Variants in DAB1 observed in about 807,000 individuals in gnomAD.
DAB1 encodes DAB adaptor protein 1.
Under a neutral mutation model 64.6 loss-of-function variants are expected in DAB1, and 15 were observed. The observed-to-expected ratio is 0.23, with a 90% CI of 0.16 to 0.36. DAB1 has a LOEUF of 0.36. Ranked by LOEUF, DAB1 falls within the 10% of genes least tolerant of loss-of-function variation. The pLI is 1.00. For missense variants in DAB1, 596 were observed against 706.7 expected (o/e 0.84, Z 1.78); for synonymous variants, 235 against 251.9 (o/e 0.93, Z 0.64).
At position 58,424,632 on chromosome 1, in the gene DAB1, C is replaced by A. The variant is rs139929602; in HGVS notation, n.258-81229G>T. On this transcript the variant is annotated intron_variant and non_coding_transcript_variant, in intron 3 of 20. Coordinates refer to the DAB1 transcript ENST00000485760. ...TCTATGGGACTTGTTTCAGTGAACC[C>A]TAGGCGATACAGGGAGCAAGACTGG... Among the ~76,000 whole-genome samples the A allele has an allele frequency of 9.5e-3, 1,447 of 152,240 alleles. 23 individuals carry two copies. The highest frequency in any genetic ancestry group is 0.034 in the African/African-American group (1,399 of 41,538).
intron 4 of DAB1, among the ~76,000 whole-genome samples, chr1:58,300,572 GAAAGAAAGAAAGAAAGAAAGAAAGAA>G (rs1662103513): frequency 2.2e-4 from 3 of 13,912 alleles, no homozygotes; most frequent in African/African-American, 8.1e-4. Flanking sequence ...AAGAAAGAAA[GAAAGAAAGAAAGAAAGAAAGAAAGAA>G]AGAAAGAAAG....
chr1:57,197,062 G>A (rs182367206), intron 2 of DAB1, among the ~76,000 whole-genome samples: 10 of 152,276 alleles, frequency 6.6e-5, no homozygotes, highest in African/African-American at 1.2e-4. Context: ...TTGGCCAGGC[G>A]CCGTGGCTAA....
At chr1:58,544,830 G>A (rs1646675732) in intron 1 of DAB1, among the ~76,000 whole-genome samples, 1 of 152,334 alleles carries the variant, frequency 6.6e-6, no homozygotes, top group South Asian at 2.1e-4. Context: ...CTGGCCTCAA[G>A]TGATCTGCTC....
At chr1:57,877,552 T>C (rs200331511) in intron 1 of DAB1, among the ~76,000 whole-genome samples, 1 of 21,208 alleles carries the variant, frequency 4.7e-5, no homozygotes, top group Non-Finnish European at 8.8e-5. Context: ...TTTATTTTTT[T>C]TTTTTTTTTT....
intron 8 of DAB1, among the ~76,000 whole-genome samples, chr1:57,067,419 T>C (rs72672605): frequency 8.5e-5 from 13 of 152,258 alleles, no homozygotes; most frequent in Non-Finnish European, 1.8e-4. Context: ...CTGGGCAAGT[T>C]ACCTTATCAC....
chr1:57,145,695 A>G (rs1659054322), intron 2 of DAB1, among the ~76,000 whole-genome samples: 1 of 152,254 alleles, frequency 6.6e-6, no homozygotes, highest in Admixed American at 6.5e-5. Flanking sequence ...CCAACAGGGT[A>G]TTATGATAAA....
Position 57,087,678 on chromosome 1 carries a change from C to T in DAB1, c.307-15264G>A, listed in dbSNP as rs374765672. Among the ~76,000 whole-genome samples, 67 of 152,302 alleles carry T rather than the reference C, an allele frequency of 4.4e-4. 3 individuals are homozygous for T. The East Asian group carries it at 7.4e-3, about 17-fold the overall frequency. On this transcript the variant is annotated intron_variant, in intron 4 of 14. Transcript: ENST00000371236. ...CTCTGTTGAGGTTTCAGGGTTGAGC[C>T]ACTGAAGGACTGGCATTGGAACTCC... is the stretch of plus-strand genomic sequence containing the variant.
chr1:57,322,134 T>C (rs189432886), intron 1 of DAB1, among the ~76,000 whole-genome samples: 1 of 152,310 alleles, frequency 6.6e-6, no homozygotes, highest in East Asian at 1.9e-4. Context: ...AAAGCAGTCA[T>C]GTACTTGCCA....
chr1:57,334,672 C>G (rs1412873423), intron 1 of DAB1, among the ~76,000 whole-genome samples: 1 of 152,150 alleles, frequency 6.6e-6, no homozygotes, highest in Non-Finnish European at 1.5e-5. Context: ...ACTTTCCATA[C>G]GATAAGCATT....
intron 3 of DAB1, among the ~76,000 whole-genome samples, chr1:58,419,142 C>T (rs999399640): frequency 2.6e-5 from 4 of 152,132 alleles, no homozygotes; most frequent in African/African-American, 9.7e-5. Flanking sequence ...CTTCCAGCCC[C>T]ATGTTTATGA....
chr1:57,535,361 A>G (rs1644713539), intron 7 of DAB1, among the ~76,000 whole-genome samples: 1 of 152,108 alleles, frequency 6.6e-6, no homozygotes, highest in Admixed American at 6.5e-5. Context: ...TGAATCATGA[A>G]CTAATGAATG....
At chr1:57,700,057 C>T (rs1355711654) in intron 6 of DAB1, among the ~76,000 whole-genome samples, 2 of 152,152 alleles carry the variant, frequency 1.3e-5, no homozygotes, top group African/African-American at 4.8e-5. Flanking sequence ...CTGACAGCAT[C>T]AACAGTCAAC....
At chr1:57,073,597 T>C (rs1651711050) in intron 4 of DAB1, among the ~76,000 whole-genome samples, 1 of 152,124 alleles carries the variant, frequency 6.6e-6, no homozygotes, top group Non-Finnish European at 1.5e-5. Flanking sequence ...AGCCTTTTCA[T>C]TATACTGGGT....
At chr1:57,015,478 G>A in intron 11 of DAB1, 47 bp from the exon 12 acceptor site, 1 of 1,527,854 alleles carries the variant, frequency 6.5e-7, no homozygotes, top group Non-Finnish European at 8.9e-7. Flanking sequence ...GGTGTCCTGG[G>A]AAAGAAGGAT....
intron 5 of DAB1, among the ~76,000 whole-genome samples, chr1:58,057,199 G>A (rs909749278): frequency 1.3e-5 from 2 of 151,988 alleles, no homozygotes; most frequent in African/African-American, 4.8e-5. Flanking sequence ...GCTCAAGAAT[G>A]TTTATTTTTT....
At chr1:58,382,189 C>T (rs974785874) in intron 3 of DAB1, among the ~76,000 whole-genome samples, 2 of 152,138 alleles carry the variant, frequency 1.3e-5, no homozygotes, top group African/African-American at 4.8e-5. Context: ...GGTCTGGGTA[C>T]TGCTTTTTAT....
intron 5 of DAB1, chr1:58,071,403 TGTGG>T (rs1553157591): frequency 7.4e-5 from 11 of 148,934 alleles, no homozygotes; most frequent in African/African-American, 1.1e-4. Flanking sequence ...TGTGTGTGTG[TGTGG>T]GTGGGGAGAG....
chr1:58,000,043 A>G (rs1646483206), intron 5 of DAB1, among the ~76,000 whole-genome samples: 1 of 151,102 alleles, frequency 6.6e-6, no homozygotes, highest in Non-Finnish European at 1.5e-5. Flanking sequence ...GGAGGAAAGG[A>G]GTGAGAAATG....
At chr1:57,558,375 C>T (rs758535614) in intron 7 of DAB1, among the ~76,000 whole-genome samples, 37 of 152,156 alleles carry the variant, frequency 2.4e-4, no homozygotes, top group Non-Finnish European at 3.7e-4. Flanking sequence ...TCCCTGTTTG[C>T]TTCCAGACCT....
Sources: allele counts gnomAD v4.1 joint callset (sites outside exome capture counted in the v4.1 genomes callset), GRCh38; gene constraint gnomAD v4.1.1; transcripts MANE v1.5; gene names NCBI Gene and HGNC (gene_info 2026-07-23, HGNC 2026-07-21).